UBE2K: variants seen among roughly 807,000 people sequenced by gnomAD.
UBE2K encodes the protein ubiquitin-conjugating enzyme E2 K.
UBE2K carries 6 observed loss-of-function variants against 30.0 expected under a neutral mutation model. The observed-to-expected ratio is 0.20, with a 90% CI of 0.11 to 0.39. The LOEUF is 0.39. UBE2K is among the 10% of genes least tolerant of loss of function. The pLI, the probability that UBE2K is intolerant of heterozygous loss-of-function variation, is 1.00. For synonymous variants in UBE2K, 86 were observed against 83.7 expected, an observed-to-expected ratio of 1.03 and a Z score of -0.15; for missense variants, 61 against 241.6, an observed-to-expected ratio of 0.25 and a Z score of 4.96.
chr4:39,721,632 C>T (rs4974947), intron 1 of UBE2K, among the ~76,000 whole-genome samples: 126,015 of 152,156 alleles, frequency 0.83, 52,679 homozygotes, highest in African/African-American at 0.94. Flanking sequence ...GCTGGGATTA[C>T]AGGCATGAGA....
chr4:39,745,629 C>A, intron 2 of UBE2K, 123 bp from the exon 3 acceptor site: 1 of 673,092 alleles, frequency 1.5e-6, no homozygotes, highest in South Asian at 2.1e-5. Flanking sequence ...TTCTGGATTT[C>A]AACTTTAAAA....
intron 4 of UBE2K, among the ~76,000 whole-genome samples, chr4:39,756,003 A>AT (rs776573827): frequency 3.3e-5 from 5 of 152,174 alleles, no homozygotes; most frequent in Non-Finnish European, 7.4e-5. Context: ...GGTAAATTTG[A>AT]TTCTTTGCTA....
At position 39,767,083 on chromosome 4, in the gene UBE2K, A is replaced by G. The variant is rs28849716; in HGVS notation, c.300-7751A>G. ...TTTAACTTTGATAAAATTGTCGTGC[A>G]TATTCTCGTATTTTTTGCTTTGGTT... On this transcript the variant is annotated intron_variant, in intron 4 of 6. Transcript: ENST00000261427. Among the ~76,000 whole-genome samples the G allele has an allele frequency of 3.3e-3, 507 of 152,220 alleles. 2 individuals carry two copies. The highest frequency in any genetic ancestry group is 0.011 in the African/African-American group (475 of 41,542).
At chr4:39,749,306 A>T in intron 3 of UBE2K, among the ~76,000 whole-genome samples, 1 of 152,212 alleles carries the variant, frequency 6.6e-6, no homozygotes, top group Non-Finnish European at 1.5e-5. Context: ...ATTAAATTGC[A>T]ATGTATATTG....
At chr4:39,739,734 C>T (rs573905996) in intron 2 of UBE2K, among the ~76,000 whole-genome samples, 3 of 152,076 alleles carry the variant, frequency 2.0e-5, no homozygotes, top group Non-Finnish European at 4.4e-5. Flanking sequence ...CGTGAGCCAC[C>T]GCACCGCACC....
At chr4:39,739,010 G>T (rs1244562138) in intron 2 of UBE2K, among the ~76,000 whole-genome samples, 1 of 142,186 alleles carries the variant, frequency 7.0e-6, no homozygotes, top group African/African-American at 2.7e-5. Context: ...CTATAATTCT[G>T]TAATGAACAG....
rs1486081911 is a variant in UBE2K at position 39,782,312 on chromosome 4, A to G, written c.*3878A>G. 1 of 232,626 alleles carries G rather than the reference A, an allele frequency of 4.3e-6. No homozygotes were observed. Among genetic ancestry groups the G allele is most frequent in the African/African-American group, 2.2e-5 (1 of 44,666 alleles). The allele number at this position is 232,626 out of a possible 1,614,324, so 14.4% of individuals were successfully genotyped here. On this transcript the variant is annotated 3_prime_UTR_variant, in exon 7 of 7. Coordinates refer to ENST00000261427, the MANE Select transcript of UBE2K (RefSeq NM_005339.5). Reference sequence around the variant, plus strand: ...TTACCTACTTTTTACAGGCATCATAATAAAAGCTAGACTATTTCTTTGGGG... The same window carrying G: ...TTACCTACTTTTTACAGGCATCATAGTAAAAGCTAGACTATTTCTTTGGGG...
chr4:39,764,312 A>C (rs1172933699), intron 4 of UBE2K, among the ~76,000 whole-genome samples: 1 of 152,230 alleles, frequency 6.6e-6, no homozygotes, highest in Non-Finnish European at 1.5e-5. Flanking sequence ...GTGAAAATTC[A>C]ATCAGGCAGA....
intron 4 of UBE2K, among the ~76,000 whole-genome samples, chr4:39,772,153 G>C (rs376797912): frequency 1.3e-5 from 2 of 152,036 alleles, no homozygotes; most frequent in Non-Finnish European, 2.9e-5. Flanking sequence ...AACTTTTATC[G>C]TAGGCATCTA....
intron 1 of UBE2K, among the ~76,000 whole-genome samples, chr4:39,712,073 A>G (rs1260560143): frequency 1.3e-5 from 2 of 150,306 alleles, no homozygotes; most frequent in Admixed American, 6.7e-5. Flanking sequence ...TTGTAAGACT[A>G]TCTCAGGAAA....
intron 3 of UBE2K, among the ~76,000 whole-genome samples, chr4:39,752,918 G>A (rs955537640): frequency 9.9e-5 from 15 of 151,954 alleles, no homozygotes; most frequent in African/African-American, 3.6e-4. Context: ...AGTTTGGGAG[G>A]CCGAGAGGGG....
chr4:39,755,116 C>A (rs1721461496), intron 3 of UBE2K, among the ~76,000 whole-genome samples: 1 of 152,092 alleles, frequency 6.6e-6, no homozygotes, highest in Non-Finnish European at 1.5e-5. Flanking sequence ...AAACTCTAAG[C>A]CTTAGTATCT....
At chr4:39,710,504 A>C (rs1718609001) in intron 1 of UBE2K, among the ~76,000 whole-genome samples, 1 of 152,160 alleles carries the variant, frequency 6.6e-6, no homozygotes, top group African/African-American at 2.4e-5. Flanking sequence ...CCTGGGCTCA[A>C]GCAGTCCTCC....
At chr4:39,719,144 TCA>T (rs1418987036) in intron 1 of UBE2K, among the ~76,000 whole-genome samples, 4 of 152,252 alleles carry the variant, frequency 2.6e-5, no homozygotes, top group Admixed American at 2.0e-4. Flanking sequence ...CCTCAGACTT[TCA>T]GTCTCCCTCA....
intron 1 of UBE2K, chr4:39,714,363 C>T: frequency 5.6e-6 from 1 of 178,152 alleles, no homozygotes; most frequent in Non-Finnish European, 1.3e-5. Context: ...TTATGTCATG[C>T]ACGCCTGTCA....
rs1305017889 is a variant in UBE2K at position 39,757,066 on chromosome 4, C to T, written c.299+1327C>T. On this transcript the variant is annotated intron_variant, in intron 4 of 6. Coordinates refer to ENST00000261427, the MANE Select transcript of UBE2K (RefSeq NM_005339.5). Reference sequence around the variant, plus strand: ...TTGAGACAGAGTTTCACTCTTGTCACCCAGGCTGGAGTGCAGTGGCACGAT... The same window carrying T: ...TTGAGACAGAGTTTCACTCTTGTCATCCAGGCTGGAGTGCAGTGGCACGAT... Among the ~76,000 whole-genome samples, 7 of 143,156 alleles carry T rather than the reference C, an allele frequency of 4.9e-5. 1 individual carries two copies. The highest frequency in any genetic ancestry group is 4.6e-4 in the South Asian group (2 of 4,314). 93.9% of individuals were successfully genotyped at this position (143,156 alleles called of 152,430 possible).
At chr4:39,732,400 C>G (rs1411414487) in intron 1 of UBE2K, among the ~76,000 whole-genome samples, 2 of 152,134 alleles carry the variant, frequency 1.3e-5, no homozygotes, top group African/African-American at 4.8e-5. Flanking sequence ...GTTTTGTTCA[C>G]TAACATTTGA....
intron 1 of UBE2K, among the ~76,000 whole-genome samples, chr4:39,704,681 A>C (rs907348135): frequency 6.6e-6 from 1 of 151,952 alleles, no homozygotes; most frequent in Non-Finnish European, 1.5e-5. Flanking sequence ...GCAGGGACTA[A>C]AGGCGTCTGC....
At chr4:39,702,898 G>T (rs1302048336) in intron 1 of UBE2K, among the ~76,000 whole-genome samples, 1 of 152,064 alleles carries the variant, frequency 6.6e-6, no homozygotes, top group Non-Finnish European at 1.5e-5. Context: ...TATGCAGGTA[G>T]CACTGCAGAG....
Sources: allele counts gnomAD v4.1 joint callset (sites outside exome capture counted in the v4.1 genomes callset), GRCh38; gene constraint gnomAD v4.1.1; transcripts MANE v1.5; gene names NCBI Gene and HGNC (gene_info 2026-07-23, HGNC 2026-07-21).